The following KDM6A variants were observed in gnomAD, a reference collection of about 807,000 sequenced individuals.
The protein encoded by KDM6A is lysine-specific demethylase 6A.
In KDM6A, 11 loss-of-function variants were observed where a neutral mutation model predicts 117.6. The ratio of observed to expected loss-of-function variants is 0.09; its 90% CI spans 0.06 to 0.15. The LOEUF (loss-of-function observed/expected upper bound fraction) is 0.15, where lower values mean the gene tolerates loss of function less well. Ranked by LOEUF, KDM6A falls within the 10% of genes least tolerant of loss-of-function variation. The pLI is 1.00. For missense variants in KDM6A, 799 were observed against 1,077.3 expected, an observed-to-expected ratio of 0.74 and a Z score of 3.62; for synonymous variants, 384 against 396.1, an observed-to-expected ratio of 0.97 and a Z score of 0.36.
At position 44,873,713 on chromosome X, in the gene KDM6A, G is replaced by C; in HGVS notation, c.161+1G>C. On this transcript the variant is annotated splice_donor_variant, in intron 1 of 29. Coordinates refer to ENST00000611820, the MANE Select transcript of KDM6A (RefSeq NM_001291415.2). LOFTEE classifies it high-confidence loss of function. ...GGGAGGCGCTCGGCGGACTGGACAGGTACGGGCCGCCGTCACTCGCCCGGT... is the reference window on the plus strand; with the variant it reads ...GGGAGGCGCTCGGCGGACTGGACAGCTACGGGCCGCCGTCACTCGCCCGGT... The C allele has an allele frequency of 8.6e-7, 1 of 1,166,879 alleles. No individual in the cohort carries two copies. The highest frequency in any genetic ancestry group is 1.1e-6 in the Non-Finnish European group (1 of 873,031).
At chrX:44,960,498 GTGT>G (rs1412040587) in intron 2 of KDM6A, among the ~76,000 whole-genome samples, 1 of 111,524 alleles carries the variant, frequency 9.0e-6, no homozygotes, top group African/African-American at 3.3e-5. Flanking sequence ...AGCTCTTTGA[GTGT>G]TACTAAAATA....
At chrX:45,040,347 G>A (rs1299078545) in intron 8 of KDM6A, among the ~76,000 whole-genome samples, 1 of 94,445 alleles carries the variant, frequency 1.1e-5, no homozygotes, top group East Asian at 3.7e-4. Context: ...AGGGGCGGCC[G>A]GGCAGAGGCC....
At chrX:45,110,016 A>G (rs2046706347) in intron 28 of KDM6A, 63 bp from the exon 29 acceptor site, 1 of 1,007,285 alleles carries the variant, frequency 9.9e-7, no homozygotes, top group South Asian at 1.9e-5. Context: ...CCATGATTAT[A>G]CTAAAGCAGT....
chrX:45,106,367 A>T (rs1229987918), intron 27 of KDM6A, among the ~76,000 whole-genome samples: 1 of 111,893 alleles, frequency 8.9e-6, no homozygotes, highest in Non-Finnish European at 1.9e-5. Flanking sequence ...ATATAAAATA[A>T]GGTATATTAA....
chrX:45,087,225 G>A (rs745918524), intron 25 of KDM6A, among the ~76,000 whole-genome samples: 26 of 112,657 alleles, frequency 2.3e-4, no homozygotes, highest in Non-Finnish European at 4.1e-4. Context: ...TCCTGACCTC[G>A]TGATCCACCC....
chrX:45,072,906 G>A lies in KDM6A; in HGVS notation c.2858+2549G>A, dbSNP rs2044926793. ...ACATATATATACTTTAAGTTCTAGG[G>A]TACATGTGCACAATGTGCAGGCTCG... On this transcript the variant is annotated intron_variant, in intron 18 of 29. Coordinates refer to ENST00000611820, the MANE Select transcript of KDM6A (RefSeq NM_001291415.2). Among the ~76,000 whole-genome samples the A allele has an allele frequency of 2.8e-5, 3 of 106,918 alleles. No homozygotes were observed. In the South Asian group the frequency reaches 1.2e-3, roughly 44 times the overall value. The allele number at this position is 106,918 out of a possible 115,157, so 92.8% of individuals were successfully genotyped here.
At chrX:44,988,630 C>G (rs774638736) in intron 4 of KDM6A, among the ~76,000 whole-genome samples, 2 of 111,551 alleles carry the variant, frequency 1.8e-5, no homozygotes, top group African/African-American at 6.5e-5. Context: ...TTCTAACAGT[C>G]AGGACCCTCA....
intron 6 of KDM6A, among the ~76,000 whole-genome samples, chrX:45,031,116 AC>A (rs775379995): frequency 8.9e-6 from 1 of 112,163 alleles, no homozygotes; most frequent in South Asian, 3.6e-4. Flanking sequence ...GGTCATTATA[AC>A]CCTGTTTTAT....
chrX:44,997,175 C>T (rs966755002), intron 4 of KDM6A, among the ~76,000 whole-genome samples: 12 of 112,448 alleles, frequency 1.1e-4, no homozygotes, highest in Admixed American at 7.5e-4. Flanking sequence ...TATACCTTGT[C>T]GCAAGGACAG....
At chrX:45,090,935 C>G in intron 27 of KDM6A, 71 bp downstream of exon 27, 2 of 1,084,841 alleles carry the variant, frequency 1.8e-6, no homozygotes, top group African/African-American at 1.8e-5. Flanking sequence ...TTTTTTTCTC[C>G]CTTAGAATTA....
intron 8 of KDM6A, among the ~76,000 whole-genome samples, chrX:45,051,103 G>A (rs1269435807): frequency 3.6e-5 from 4 of 111,357 alleles, no homozygotes; most frequent in Non-Finnish European, 7.5e-5. Flanking sequence ...TCCGCCTCCC[G>A]GTTTCAAGCG....
At chrX:44,960,804 G>C (rs900904228) in intron 2 of KDM6A, among the ~76,000 whole-genome samples, 2 of 111,469 alleles carry the variant, frequency 1.8e-5, no homozygotes, top group African/African-American at 6.5e-5. Flanking sequence ...AAAACTGGTA[G>C]AGGTCTGGCA....
chrX:44,949,495 C>G (rs1044983644), intron 2 of KDM6A, among the ~76,000 whole-genome samples: 1 of 108,003 alleles, frequency 9.3e-6, no homozygotes, highest in African/African-American at 3.5e-5. Flanking sequence ...TTTTAAAGCA[C>G]TTATTTTGGG....
intron 27 of KDM6A, among the ~76,000 whole-genome samples, chrX:45,091,097 T>G (rs1323686489): frequency 9.0e-6 from 1 of 111,112 alleles, no homozygotes; most frequent in Non-Finnish European, 1.9e-5. Context: ...CACAGACCTG[T>G]GCTTCTTTCC....
intron 2 of KDM6A, among the ~76,000 whole-genome samples, chrX:44,934,555 T>C (rs896558095): frequency 3.6e-5 from 4 of 111,754 alleles, no homozygotes; most frequent in Non-Finnish European, 5.6e-5. Context: ...CTGGGAAATG[T>C]ATGTTGGATT....
rs776420271 is a variant in KDM6A at position 45,063,550 on chromosome X, C to A, written c.1812C>A (p.Ser604Arg). 8.3e-7 allele frequency: 1 copy of A among 1,211,680 alleles called. No homozygotes were observed. Among genetic ancestry groups the A allele is most frequent in the Non-Finnish European group, 1.1e-6 (1 of 895,465 alleles). ...QPQLALTRVPSVSQPGVRPAC... is the reference protein window; with the variant it reads ...QPQLALTRVPRVSQPGVRPAC... Reference sequence around the variant, plus strand: ...AGCTTGCTCTGACCAGAGTGCCTAGCGTCTCTCAGCCTGGAGTCCGTCCTG... The same window carrying A: ...AGCTTGCTCTGACCAGAGTGCCTAGAGTCTCTCAGCCTGGAGTCCGTCCTG... The change falls in exon 17 of 30, where the codon AGC (serine) becomes AGA (arginine). Residue 604 changes from serine to arginine, a missense_variant. By Grantham distance (110) the Ser-to-Arg change is moderately radical. Coordinates refer to ENST00000611820, the MANE Select transcript of KDM6A (RefSeq NM_001291415.2).
At chrX:44,923,266 T>C (rs890752926) in intron 2 of KDM6A, among the ~76,000 whole-genome samples, 8 of 111,041 alleles carry the variant, frequency 7.2e-5, no homozygotes, top group African/African-American at 2.6e-4. Flanking sequence ...TTGAGCTCCT[T>C]GGGCATGTGG....
At chrX:45,068,043 G>C (rs1484583055) in intron 17 of KDM6A, among the ~76,000 whole-genome samples, 17 of 111,377 alleles carry the variant, frequency 1.5e-4, no homozygotes. Context: ...TTCAGAAACT[G>C]ATTTTAGGGG....
At chrX:45,089,638 A>C (rs1345892296) in intron 25 of KDM6A, 105 bp from the exon 26 acceptor site, 2 of 576,452 alleles carry the variant, frequency 3.5e-6, no homozygotes, top group African/African-American at 4.6e-5. Flanking sequence ...TGTTTCAATA[A>C]AATGAACAAG....
Sources: gnomAD v4.1 joint callset for allele counts (sites outside exome capture counted in the v4.1 genomes callset) on GRCh38, gnomAD v4.1.1 for gene constraint, MANE v1.5 for transcripts, NCBI Gene and HGNC (gene_info 2026-07-23, HGNC 2026-07-21) for gene names.